HEATR5B: variants seen among roughly 807,000 people sequenced by gnomAD.
HEATR5B encodes HEAT repeat-containing protein 5B.
Under a neutral mutation model 224.1 loss-of-function variants are expected in HEATR5B, and 156 were observed. The ratio of observed to expected loss-of-function variants is 0.70; its 90% CI spans 0.61 to 0.80. The LOEUF is 0.80. Ranked by LOEUF, HEATR5B falls within the 30% of genes least tolerant of loss-of-function variation. HEATR5B has a pLI of 0.00. For missense variants in HEATR5B, 2,323 were observed against 2,535.5 expected, an observed-to-expected ratio of 0.92 and a Z score of 1.80; for synonymous variants, 1,027 against 893.0, an observed-to-expected ratio of 1.15 and a Z score of -2.68.
Position 37,061,966 on chromosome 2 carries a change from G to C in HEATR5B, c.1669C>G (p.Leu557Val), listed in dbSNP as rs1671306272. The C allele has an allele frequency of 1.2e-6, 2 of 1,613,426 alleles. No individual in the cohort carries two copies. Among genetic ancestry groups the C allele is most frequent in the Non-Finnish European group, 1.7e-6 (2 of 1,179,568 alleles). Residue 557 changes from leucine (L) to valine (V), a missense_variant, in exon 11 of 36, where the codon CTT (leucine) becomes GTT (valine). This residue lies in a region of HEATR5B where 502 missense variants were observed against 517.8 expected (regional missense o/e 0.97). Coordinates refer to ENST00000233099, the MANE Select transcript of HEATR5B (RefSeq NM_019024.3). ...AAAGTCATAAGTGCTCCAAGTAAAA[G>C]CCAGCCAGCTTGGGTGCGCTGTAAA... is the stretch of plus-strand genomic sequence containing the variant. ...LSLQRTQAGW[L>V]LLGALMTLGP...
intron 26 of HEATR5B, among the ~76,000 whole-genome samples, chr2:37,015,179 A>G (rs1005164366): frequency 2.6e-5 from 4 of 152,252 alleles, no homozygotes; most frequent in Non-Finnish European, 5.9e-5. Context: ...GACATAGGAG[A>G]GTTACATGAG....
chr2:37,004,280 T>C (rs1488123926), intron 30 of HEATR5B, among the ~76,000 whole-genome samples: 1 of 151,756 alleles, frequency 6.6e-6, no homozygotes, highest in Non-Finnish European at 1.5e-5. Flanking sequence ...AGGCTTAATC[T>C]GAGGTTAATC....
rs187570633 is a variant in HEATR5B, at chr2:37,066,539, C to T, written c.1178-629G>A. 8.5e-5 allele frequency among the ~76,000 whole-genome samples: 13 copies of T among 152,246 alleles called. No homozygotes were observed. The East Asian group carries it at 2.5e-3, about 29-fold the overall frequency. On this transcript the variant is annotated intron_variant, in intron 8 of 35. Transcript: ENST00000233099. The stretch of plus-strand genomic sequence containing the variant: ...TAAGTTACCTCTTACTGGAATGTTT[C>T]TGTAAGTTCCCATTAATTAACCTTG...
intron 5 of HEATR5B, among the ~76,000 whole-genome samples, chr2:37,073,562 G>A (rs1315624297): frequency 2.0e-5 from 3 of 152,094 alleles, no homozygotes; most frequent in Non-Finnish European, 4.4e-5. Context: ...GACATTGATA[G>A]AATTCATGAT....
At chr2:36,999,138 G>A (rs1409632247) in intron 33 of HEATR5B, among the ~76,000 whole-genome samples, 1 of 151,954 alleles carries the variant, frequency 6.6e-6, no homozygotes, top group East Asian at 1.9e-4. Flanking sequence ...GCTTGAACTG[G>A]GACCTGGGAG....
At chr2:37,015,749 T>C (rs1158047341) in intron 26 of HEATR5B, among the ~76,000 whole-genome samples, 4 of 152,178 alleles carry the variant, frequency 2.6e-5, no homozygotes, top group African/African-American at 7.2e-5. Context: ...ACTAAGAGAC[T>C]TGTGGAAAGA....
chr2:37,079,462 G>A (rs966439726), intron 2 of HEATR5B, 131 bp from the exon 3 acceptor site: 39 of 518,492 alleles, frequency 7.5e-5, no homozygotes, highest in Non-Finnish European at 1.0e-4. Context: ...AACATAAACC[G>A]TGAGAATTTT....
intron 17 of HEATR5B, 145 bp from the exon 18 acceptor site, chr2:37,049,988 T>C: frequency 1.4e-6 from 1 of 735,412 alleles, no homozygotes. Flanking sequence ...CCTTCTGAGC[T>C]CAAGCAATCC....
intron 26 of HEATR5B, among the ~76,000 whole-genome samples, chr2:37,016,991 T>C (rs1482296493): frequency 6.6e-6 from 1 of 152,110 alleles, no homozygotes; most frequent in Non-Finnish European, 1.5e-5. Context: ...CAAAGGAAAC[T>C]AAAGAACATA....
intron 24 of HEATR5B, among the ~76,000 whole-genome samples, chr2:37,027,490 T>C (rs1237293249): frequency 6.6e-6 from 1 of 152,230 alleles, no homozygotes; most frequent in Non-Finnish European, 1.5e-5. Context: ...ACTTCTGAAA[T>C]TTGAGAGTTT....
chr2:37,068,593 TA>T, intron 8 of HEATR5B, 87 bp downstream of exon 8: 1 of 1,342,964 alleles, frequency 7.4e-7, no homozygotes, highest in South Asian at 1.4e-5. Flanking sequence ...AAAGATAAAC[TA>T]ATCAGTCTTA....
intron 5 of HEATR5B, among the ~76,000 whole-genome samples, chr2:37,073,560 T>C: frequency 6.6e-6 from 1 of 152,162 alleles, no homozygotes; most frequent in Non-Finnish European, 1.5e-5. Context: ...TTGACATTGA[T>C]AGAATTCATG....
chr2:36,988,416 CA>C (rs1666092753), intron 35 of HEATR5B, among the ~76,000 whole-genome samples: 1 of 152,016 alleles, frequency 6.6e-6, no homozygotes, highest in Non-Finnish European at 1.5e-5. Context: ...GTGTGCGCCA[CA>C]CACCCAGCTA....
chr2:37,011,656 T>C (rs1667796448), intron 27 of HEATR5B, among the ~76,000 whole-genome samples: 1 of 152,234 alleles, frequency 6.6e-6, no homozygotes, highest in African/African-American at 2.4e-5. Context: ...AACCATTATT[T>C]TAATGACTTA....
chr2:37,042,662 C>T (rs541718300), intron 18 of HEATR5B, among the ~76,000 whole-genome samples: 42 of 152,206 alleles, frequency 2.8e-4, no homozygotes, highest in African/African-American at 8.9e-4. Flanking sequence ...GAAGCCAAGG[C>T]AAGTGGATCA....
Position 37,028,163 on chromosome 2 carries a change from C to A in HEATR5B, c.3613G>T (p.Ala1205Ser), listed in dbSNP as rs1314685051. Residue 1205 changes from alanine to serine, a missense_variant, in exon 24 of 36, where the codon GCA (alanine) becomes TCA (serine). By Grantham distance (99) the Ala-to-Ser change is moderately conservative. Coordinates refer to ENST00000233099, the MANE Select transcript of HEATR5B (RefSeq NM_019024.3). ...TCTTTTCCACTACTTAAGAGAGTTG[C>A]AGTACTCATATCTATAACAAGAATA... ...VLAASSDMSTATLLSSGKDEE... is the reference protein window; with the variant it reads ...VLAASSDMSTSTLLSSGKDEE... 6.2e-7 allele frequency: 1 copy of A among 1,602,496 alleles called. No homozygotes were observed. The highest frequency in any genetic ancestry group is 8.5e-7 in the Non-Finnish European group (1 of 1,169,784).
chr2:37,023,594 C>T (rs1668594644), intron 24 of HEATR5B, among the ~76,000 whole-genome samples: 1 of 151,956 alleles, frequency 6.6e-6, no homozygotes, highest in African/African-American at 2.4e-5. Context: ...CATGGTGAAA[C>T]CTCGTCTCTA....
rs770927362 is a variant in HEATR5B, at chr2:37,019,878, C to T, written c.4036-1G>A. ...AGGCTGGTCTTAGAGCAGCTCCCAC[C>T]TAGAAAAATAAATAAAGCATTTTAT... On this transcript the variant is annotated splice_acceptor_variant, in intron 25 of 35. Coordinates refer to ENST00000233099, the MANE Select transcript of HEATR5B (RefSeq NM_019024.3). LOFTEE classifies it high-confidence loss of function. The T allele has an allele frequency of 6.3e-7, 1 of 1,593,014 alleles. No homozygotes were observed. The highest frequency in any genetic ancestry group is 8.6e-7 in the Non-Finnish European group (1 of 1,166,958).
intron 21 of HEATR5B, 110 bp from the exon 22 acceptor site, chr2:37,032,883 T>C: frequency 5.2e-6 from 5 of 953,200 alleles, no homozygotes; most frequent in Non-Finnish European, 7.3e-6. Flanking sequence ...TGTTTTGTTT[T>C]GTTTTTTTTT....
Sources: gnomAD v4.1 joint callset for allele counts (sites outside exome capture counted in the v4.1 genomes callset) on GRCh38, gnomAD v4.1.1 for gene constraint, gnomAD v4.1.1 regional missense constraint, MANE v1.5 for transcripts, NCBI Gene and HGNC (gene_info 2026-07-23, HGNC 2026-07-21) for gene names.